The following TMEM150C variants were observed in gnomAD, a reference collection of about 807,000 sequenced individuals.
TMEM150C encodes the protein transmembrane protein 150C, also known as tentonin 3.
Under a neutral mutation model 29.9 loss-of-function variants are expected in TMEM150C, and 10 were observed. That is an observed-to-expected ratio of 0.33 (90% CI 0.21 to 0.57). The LOEUF is 0.57. Among genes scored for constraint, TMEM150C ranks in the 20% least tolerant of loss-of-function variants. The pLI is 0.88. For synonymous variants in TMEM150C, 101 were observed against 112.5 expected (o/e 0.90, Z 0.64); for missense variants, 251 against 303.6 (o/e 0.83, Z 1.29).
intron 1 of TMEM150C, among the ~76,000 whole-genome samples, chr4:82,508,496 C>T (rs1034182413): frequency 4.0e-5 from 6 of 150,932 alleles, no homozygotes; most frequent in African/African-American, 9.8e-5. Flanking sequence ...GATGGGGTCT[C>T]ACTCTGTCGC....
chr4:82,503,220 T>A, intron 2 of TMEM150C, 108 bp from the exon 3 acceptor site: 1 of 769,544 alleles, frequency 1.3e-6, no homozygotes, highest in Non-Finnish European at 2.1e-6. Flanking sequence ...TTTTTCTAAC[T>A]GAGAAATGCT....
At chr4:82,528,180 A>G (rs1408202966) in intron 1 of TMEM150C, among the ~76,000 whole-genome samples, 1 of 152,232 alleles carries the variant, frequency 6.6e-6, no homozygotes, top group African/African-American at 2.4e-5. Context: ...GTTCTAACTG[A>G]CAGGACCAGG....
chr4:82,524,203 G>A (rs530322930), intron 1 of TMEM150C, among the ~76,000 whole-genome samples: 2 of 151,858 alleles, frequency 1.3e-5, no homozygotes, highest in South Asian at 2.1e-4. Flanking sequence ...GGGGGGCGGA[G>A]CTTGCAGTGA....
intron 1 of TMEM150C, among the ~76,000 whole-genome samples, chr4:82,540,878 T>C (rs555759054): frequency 5.3e-5 from 8 of 152,318 alleles, no homozygotes; most frequent in Non-Finnish European, 1.5e-5. Flanking sequence ...AAGTATACAA[T>C]GTATTGTCAT....
intron 1 of TMEM150C, among the ~76,000 whole-genome samples, chr4:82,513,494 A>T (rs187536428): frequency 0.021 from 3,071 of 143,760 alleles, 39 homozygotes; most frequent in African/African-American, 0.035. Flanking sequence ...TACCACAATT[A>T]AAAAAAAAAA....
chr4:82,560,016 C>T (rs966642014), intron 1 of TMEM150C, among the ~76,000 whole-genome samples: 2 of 151,976 alleles, frequency 1.3e-5, no homozygotes, highest in Non-Finnish European at 2.9e-5. Context: ...TTGACAATTG[C>T]AAAGCAGATA....
At chr4:82,551,228 C>G (rs1211317067) in intron 1 of TMEM150C, among the ~76,000 whole-genome samples, 1 of 152,172 alleles carries the variant, frequency 6.6e-6, no homozygotes, top group African/African-American at 2.4e-5. Context: ...AAAACATTCT[C>G]CAGCACCCCC....
intron 4 of TMEM150C, 29 bp from the exon 5 acceptor site, chr4:82,502,823 A>C: frequency 1.9e-6 from 3 of 1,588,734 alleles, no homozygotes; most frequent in Non-Finnish European, 2.6e-6. Flanking sequence ...TTTTATAGTT[A>C]CTATATCAAA....
chr4:82,508,696 C>T (rs1246240700), intron 1 of TMEM150C, among the ~76,000 whole-genome samples: 1 of 152,128 alleles, frequency 6.6e-6, no homozygotes, highest in African/African-American at 2.4e-5. Context: ...GAATTCCTGA[C>T]CTCAGGTGAT....
At chr4:82,517,832 A>G (rs373837281) in intron 1 of TMEM150C, among the ~76,000 whole-genome samples, 1 of 152,284 alleles carries the variant, frequency 6.6e-6, no homozygotes, top group African/African-American at 2.4e-5. Context: ...CTATATCTCT[A>G]TATATCCTAT....
At position 82,488,068 on chromosome 4, in the gene TMEM150C, A is replaced by C. The variant is rs559023964; in HGVS notation, c.541+1993T>G. 5.9e-5 allele frequency among the ~76,000 whole-genome samples: 9 copies of C among 152,236 alleles called. 1 individual carries two copies. In the South Asian group the frequency reaches 1.7e-3, roughly 28 times the overall value. On this transcript the variant is annotated intron_variant, in intron 7 of 7. Coordinates refer to ENST00000449862, the MANE Select transcript of TMEM150C (RefSeq NM_001080506.3). ...GCAGTGTATAGTGCACCCAATTTGT[A>C]GTCTTTTATCCCTCATCCCCCTCCC...
chr4:82,554,856 C>T (rs895205980), intron 1 of TMEM150C, among the ~76,000 whole-genome samples: 1 of 152,180 alleles, frequency 6.6e-6, no homozygotes, highest in East Asian at 1.9e-4. Context: ...TCATCTTGCC[C>T]CTTTTTATTC....
At chr4:82,485,764 A>G (rs1402263290) in intron 7 of TMEM150C, 45 bp from the exon 8 acceptor site, 2 of 1,526,494 alleles carry the variant, frequency 1.3e-6, no homozygotes, top group Admixed American at 2.0e-5. Context: ...AGCCACATTA[A>G]AACTGGAATC....
Position 82,557,734 on chromosome 4 carries a change from CTT to C in TMEM150C, c.-11+4170_-11+4171del, listed in dbSNP as rs767919077. Among the ~76,000 whole-genome samples the C allele has an allele frequency of 5.4e-3, 713 of 131,290 alleles. 5 individuals are homozygous for C. Among genetic ancestry groups the C allele is most frequent in the African/African-American group, 0.019 (636 of 34,042 alleles). 86.1% of individuals were successfully genotyped at this position (131,290 alleles called of 152,430 possible). On this transcript the variant is annotated intron_variant, in intron 1 of 7. Coordinates refer to ENST00000449862, the MANE Select transcript of TMEM150C (RefSeq NM_001080506.3). ...TACAAGTGGTTTTTCTTTTCTTTTTCTTTTTTTTTTTTTTTTTGATATGGAGT... is the reference window on the plus strand; with the variant it reads ...TACAAGTGGTTTTTCTTTTCTTTTTCTTTTTTTTTTTTTTTGATATGGAGT...
chr4:82,552,015 A>G (rs1281587443), intron 1 of TMEM150C, among the ~76,000 whole-genome samples: 1 of 152,076 alleles, frequency 6.6e-6, no homozygotes. Flanking sequence ...TGAGCTCCCA[A>G]GAAAGCTGGT....
At chr4:82,494,730 C>G (rs566770027) in intron 6 of TMEM150C, 1 of 230,566 alleles carries the variant, frequency 4.3e-6, no homozygotes, top group African/African-American at 2.3e-5. Flanking sequence ...GGCTGAGAGA[C>G]TAGAAAGGCT....
chr4:82,512,487 C>T (rs1049765344), intron 1 of TMEM150C, among the ~76,000 whole-genome samples: 6 of 152,206 alleles, frequency 3.9e-5, no homozygotes, highest in African/African-American at 7.2e-5. Flanking sequence ...AGCGGCTGCT[C>T]GCCTACCTTA....
chr4:82,560,044 C>A (rs538764423), intron 1 of TMEM150C, among the ~76,000 whole-genome samples: 1 of 152,182 alleles, frequency 6.6e-6, no homozygotes, highest in East Asian at 1.9e-4. Context: ...CCCAAAAACC[C>A]CTGCAAGGTC....
rs972131204 is a variant in TMEM150C, at chr4:82,485,187, C to T, written c.*324G>A. The T allele has an allele frequency of 2.5e-5, 7 of 275,756 alleles. No homozygotes were observed. The highest frequency in any genetic ancestry group is 1.1e-4 in the African/African-American group (5 of 45,314). 17.1% of individuals were successfully genotyped at this position (275,756 alleles called of 1,614,324 possible). The stretch of plus-strand genomic sequence containing the variant: ...CAAGGAACATTTGGCCTGCCCTACT[C>T]GGTAGGGTGCTTGAGACATGTGGAG... On this transcript the variant is annotated 3_prime_UTR_variant, in exon 8 of 8. Coordinates refer to ENST00000449862, the MANE Select transcript of TMEM150C (RefSeq NM_001080506.3).
Sources: gnomAD v4.1 joint callset for allele counts (sites outside exome capture counted in the v4.1 genomes callset) on GRCh38, gnomAD v4.1.1 for gene constraint, MANE v1.5 for transcripts, NCBI Gene and HGNC (gene_info 2026-07-23, HGNC 2026-07-21) for gene names.